Variants in NRG3 observed in about 807,000 individuals in gnomAD.
NRG3 encodes pro-neuregulin-3, membrane-bound isoform.
NRG3 carries 31 observed loss-of-function variants against 66.9 expected under a neutral mutation model. The observed-to-expected ratio is 0.46, with a 90% CI of 0.35 to 0.63. The LOEUF (loss-of-function observed/expected upper bound fraction) is 0.63. NRG3 is among the 20% of genes least tolerant of loss of function. The pLI, the probability that NRG3 is intolerant of heterozygous loss-of-function variation, is 0.00. For synonymous variants in NRG3, 393 were observed against 359.4 expected (o/e 1.09, Z -1.06); for missense variants, 910 against 878.9 (o/e 1.04, Z -0.45).
At chr10:82,699,250 GGGAA>G (rs71822119) in intron 2 of NRG3, among the ~76,000 whole-genome samples, 3,829 of 148,140 alleles carry the variant, frequency 0.026, 136 homozygotes, top group African/African-American at 0.077. Context: ...GAAGGAAAGA[GGGAA>G]GGAAGGAAGG....
Position 82,048,238 on chromosome 10 carries a change from A to C in NRG3, c.823+172075A>C, listed in dbSNP as rs536292023. Reference sequence around the variant, plus strand: ...ACCCAGGAATTGAGCTCAGCTCTGCACCAAGAGGACCTAATAGACATCTAC... The same window carrying C: ...ACCCAGGAATTGAGCTCAGCTCTGCCCCAAGAGGACCTAATAGACATCTAC... On this transcript the variant is annotated intron_variant, in intron 1 of 8. Coordinates refer to ENST00000372141, the MANE Select transcript of NRG3 (RefSeq NM_001010848.4). Among the ~76,000 whole-genome samples, 1,357 of 152,236 alleles carry C rather than the reference A, an allele frequency of 8.9e-3. 8 individuals carry two copies. Among genetic ancestry groups the C allele is most frequent in the Non-Finnish European group, 0.015 (996 of 68,016 alleles).
chr10:82,134,574 T>C (rs1240543228), intron 1 of NRG3, among the ~76,000 whole-genome samples: 2 of 152,212 alleles, frequency 1.3e-5, no homozygotes, highest in East Asian at 3.9e-4. Context: ...GTCATAAATG[T>C]GTTGCCTTAT....
intron 3 of NRG3, among the ~76,000 whole-genome samples, chr10:82,771,761 T>C (rs1277258207): frequency 2.6e-5 from 4 of 152,162 alleles, no homozygotes; most frequent in African/African-American, 7.2e-5. Context: ...CATCAAATTG[T>C]CCATCTCAAT....
At chr10:82,331,810 G>C (rs556517557) in intron 1 of NRG3, among the ~76,000 whole-genome samples, 4 of 152,188 alleles carry the variant, frequency 2.6e-5, no homozygotes, top group African/African-American at 9.6e-5. Context: ...CAGTTTTGGA[G>C]CTGGACTGTG....
At chr10:82,006,144 A>G (rs1175709169) in intron 1 of NRG3, among the ~76,000 whole-genome samples, 2 of 152,042 alleles carry the variant, frequency 1.3e-5, no homozygotes, top group South Asian at 4.1e-4. Context: ...TTTACAATCT[A>G]AAGAGGATAA....
chr10:82,724,074 GA>G (rs140370350), intron 2 of NRG3, among the ~76,000 whole-genome samples: 13,303 of 148,886 alleles, frequency 0.089, 714 homozygotes, highest in Middle Eastern at 0.19. Flanking sequence ...GAAAAAAAAA[GA>G]AAAAAAAACA....
chr10:82,322,848 G>A (rs946670525), intron 1 of NRG3, among the ~76,000 whole-genome samples: 10 of 152,132 alleles, frequency 6.6e-5, no homozygotes, highest in Middle Eastern at 3.2e-3. Flanking sequence ...ATTTACATTT[G>A]ATGCTATTTG....
At chr10:82,514,978 A>T (rs1377653148) in intron 2 of NRG3, among the ~76,000 whole-genome samples, 1 of 152,096 alleles carries the variant, frequency 6.6e-6, no homozygotes, top group Non-Finnish European at 1.5e-5. Flanking sequence ...GGTAATGCCA[A>T]GTTGTTTTCC....
At chr10:82,433,609 T>G (rs2089956854) in intron 2 of NRG3, among the ~76,000 whole-genome samples, 2 of 152,232 alleles carry the variant, frequency 1.3e-5, no homozygotes, top group Non-Finnish European at 2.9e-5. Flanking sequence ...TTAATCCATC[T>G]TCAATTAATT....
At chr10:82,717,390 C>CT (rs59189864) in intron 2 of NRG3, among the ~76,000 whole-genome samples, 1,208 of 83,578 alleles carry the variant, frequency 0.014, 119 homozygotes, top group African/African-American at 0.021. Context: ...ATTGGAAAAG[C>CT]TTTTTTTTTT....
At chr10:82,374,622 G>A (rs892826948) in intron 2 of NRG3, among the ~76,000 whole-genome samples, 2 of 152,188 alleles carry the variant, frequency 1.3e-5, no homozygotes, top group African/African-American at 2.4e-5. Flanking sequence ...ACGGTACAGT[G>A]GTAGGTCTGG....
chr10:82,598,807 T>C (rs2047439194), intron 2 of NRG3, among the ~76,000 whole-genome samples: 3 of 152,138 alleles, frequency 2.0e-5, no homozygotes, highest in Admixed American at 6.6e-5. Flanking sequence ...CCCAGCACTT[T>C]GGGAGGCCAA....
intron 1 of NRG3, among the ~76,000 whole-genome samples, chr10:82,250,754 CA>C (rs2134093977): frequency 6.6e-6 from 1 of 152,236 alleles, no homozygotes; most frequent in African/African-American, 2.4e-5. Flanking sequence ...TTTAATTGTC[CA>C]GACTCCCCAT....
intron 4 of NRG3, among the ~76,000 whole-genome samples, chr10:82,870,193 A>T (rs1591786531): frequency 6.6e-6 from 1 of 151,694 alleles, no homozygotes; most frequent in Non-Finnish European, 1.5e-5. Context: ...CTATTGTCAT[A>T]GTTTTAACTT....
At chr10:82,556,782 T>A (rs979865665) in intron 2 of NRG3, among the ~76,000 whole-genome samples, 6 of 152,130 alleles carry the variant, frequency 3.9e-5, no homozygotes, top group Non-Finnish European at 8.8e-5. Flanking sequence ...TCTGCTCCTC[T>A]CCCTCCTCCA....
intron 3 of NRG3, among the ~76,000 whole-genome samples, chr10:82,774,742 T>A (rs562441514): frequency 6.6e-6 from 1 of 151,748 alleles, no homozygotes; most frequent in Admixed American, 6.6e-5. Context: ...TTGATTTTTT[T>A]GTTTTATTTT....
chr10:82,836,229 T>G (rs1347038139), intron 3 of NRG3, among the ~76,000 whole-genome samples: 2 of 152,100 alleles, frequency 1.3e-5, no homozygotes, highest in Non-Finnish European at 2.9e-5. Flanking sequence ...CTGGCCCCCA[T>G]AGCCTAAAAT....
At chr10:82,290,195 C>T (rs1165036910) in intron 1 of NRG3, among the ~76,000 whole-genome samples, 3 of 152,176 alleles carry the variant, frequency 2.0e-5, no homozygotes, top group Non-Finnish European at 2.9e-5. Context: ...GTGTAGTATG[C>T]TTTGGCTGTT....
chr10:82,735,385 G>A (rs2058104200), intron 2 of NRG3, among the ~76,000 whole-genome samples: 1 of 152,162 alleles, frequency 6.6e-6, no homozygotes, highest in Non-Finnish European at 1.5e-5. Flanking sequence ...TGACTGGACA[G>A]ATTGAGTGGA....
Sources: allele counts gnomAD v4.1 joint callset (sites outside exome capture counted in the v4.1 genomes callset), GRCh38; gene constraint gnomAD v4.1.1; transcripts MANE v1.5; gene names NCBI Gene and HGNC (gene_info 2026-07-23, HGNC 2026-07-21).